DCC: variants seen among roughly 807,000 people sequenced by gnomAD.
DCC encodes the protein netrin receptor DCC.
DCC carries 58 observed loss-of-function variants against 172.5 expected under a neutral mutation model. The ratio of observed to expected loss-of-function variants is 0.34; its 90% CI spans 0.27 to 0.42. The LOEUF (loss-of-function observed/expected upper bound fraction) is 0.42, where lower values mean the gene tolerates loss of function less well. Among genes scored for constraint, DCC ranks in the 10% least tolerant of loss-of-function variants. DCC has a pLI of 1.00. For missense variants in DCC, 1,740 were observed against 1,791.0 expected, an observed-to-expected ratio of 0.97 and a Z score of 0.51; for synonymous variants, 709 against 644.5, an observed-to-expected ratio of 1.10 and a Z score of -1.52.
chr18:53,020,010 C>T (rs2143914348), intron 5 of DCC, among the ~76,000 whole-genome samples: 1 of 152,140 alleles, frequency 6.6e-6, no homozygotes, highest in East Asian at 1.9e-4. Flanking sequence ...TAAAAGTGAT[C>T]AGACTTGGTA....
intron 3 of DCC, 94 bp downstream of exon 3, chr18:52,906,422 A>G (rs1384342962): frequency 1.5e-6 from 2 of 1,305,718 alleles, no homozygotes; most frequent in East Asian, 2.4e-5. Context: ...TAATTGTTAT[A>G]AGTTCTGTAT....
chr18:53,380,021 A>C (rs1477348006), intron 15 of DCC, among the ~76,000 whole-genome samples: 1 of 152,156 alleles, frequency 6.6e-6, no homozygotes. Context: ...TATATTTGCA[A>C]CATTTTAGCA....
chr18:52,841,806 C>T (rs2038812132), intron 2 of DCC, among the ~76,000 whole-genome samples: 1 of 152,126 alleles, frequency 6.6e-6, no homozygotes, highest in Admixed American at 6.6e-5. Flanking sequence ...CCATTCCCCC[C>T]TCCTCCCATC....
intron 5 of DCC, among the ~76,000 whole-genome samples, chr18:53,022,732 T>C (rs1216984342): frequency 3.9e-5 from 6 of 152,076 alleles, no homozygotes; most frequent in African/African-American, 1.4e-4. Flanking sequence ...ATGCAGAGAA[T>C]TGTCAAAAGC....
intron 2 of DCC, among the ~76,000 whole-genome samples, chr18:52,877,706 A>T (rs968338246): frequency 1.1e-4 from 6 of 55,918 alleles, no homozygotes; most frequent in Non-Finnish European, 2.1e-4. Flanking sequence ...AGACAATATA[A>T]AAAAAAAAAT....
intron 5 of DCC, among the ~76,000 whole-genome samples, chr18:52,980,935 C>G (rs1470859315): frequency 7.6e-6 from 1 of 131,392 alleles, no homozygotes; most frequent in Admixed American, 8.1e-5. Context: ...AGAAAACAAA[C>G]ATACTGCTAT....
intron 26 of DCC, among the ~76,000 whole-genome samples, chr18:53,490,418 A>G (rs974540111): frequency 2.0e-5 from 3 of 152,162 alleles, no homozygotes; most frequent in Admixed American, 6.5e-5. Flanking sequence ...TTCCATTTTT[A>G]TAATATTTTC....
At chr18:52,574,088 T>A (rs1401781889) in intron 1 of DCC, among the ~76,000 whole-genome samples, 1 of 152,208 alleles carries the variant, frequency 6.6e-6, no homozygotes, top group African/African-American at 2.4e-5. Context: ...CAATCATTCA[T>A]CCATTTGTTC....
Position 53,497,966 on chromosome 18 carries a change from C to CTGAT in DCC, c.3899-1329_3899-1326dup, listed in dbSNP as rs575746017. Among the ~76,000 whole-genome samples the CTGAT allele has an allele frequency of 7.3e-4, 111 of 152,278 alleles. 1 individual carries two copies. Among genetic ancestry groups the CTGAT allele is most frequent in the African/African-American group, 2.5e-3 (104 of 41,542 alleles). Reference sequence around the variant, plus strand: ...TCAAGTCTCTGCCTGTATTTTGGCTCTGATTGCTATATGGCTACATCCTGT... The same window carrying CTGAT: ...TCAAGTCTCTGCCTGTATTTTGGCTCTGATTGATTGCTATATGGCTACATCCTGT... On this transcript the variant is annotated intron_variant, in intron 26 of 28. Transcript: ENST00000442544.
chr18:53,170,218 G>A (rs1026143524), intron 8 of DCC, among the ~76,000 whole-genome samples: 8 of 152,174 alleles, frequency 5.3e-5, no homozygotes, highest in African/African-American at 1.9e-4. Flanking sequence ...CACCAGTGGG[G>A]ACATCAGATA....
At chr18:52,369,201 T>C (rs1985007071) in intron 1 of DCC, among the ~76,000 whole-genome samples, 1 of 152,220 alleles carries the variant, frequency 6.6e-6, no homozygotes, top group Admixed American at 6.5e-5. Context: ...TAGGTGCTTC[T>C]AGATTCTGTT....
At chr18:53,202,596 A>G (rs557689969) in intron 9 of DCC, among the ~76,000 whole-genome samples, 1 of 152,318 alleles carries the variant, frequency 6.6e-6, no homozygotes, top group East Asian at 1.9e-4. Context: ...GTTGATAACA[A>G]GCATATTTAT....
intron 12 of DCC, among the ~76,000 whole-genome samples, chr18:53,255,927 T>C (rs1028440737): frequency 1.3e-5 from 2 of 152,214 alleles, no homozygotes; most frequent in African/African-American, 4.8e-5. Flanking sequence ...AGATGGTATC[T>C]CATTGTGGTT....
intron 15 of DCC, among the ~76,000 whole-genome samples, chr18:53,341,303 C>T (rs553827405): frequency 2.0e-5 from 3 of 152,250 alleles, no homozygotes; most frequent in African/African-American, 7.2e-5. Context: ...AGGGAAACTG[C>T]ATTGTTGACC....
chr18:53,496,056 G>C (rs1041672885), intron 26 of DCC, among the ~76,000 whole-genome samples: 1 of 152,170 alleles, frequency 6.6e-6, no homozygotes, highest in Non-Finnish European at 1.5e-5. Context: ...GTCCCTGCCT[G>C]ACAGTTCTGA....
intron 7 of DCC, among the ~76,000 whole-genome samples, chr18:53,133,742 A>C (rs1181622652): frequency 6.6e-6 from 1 of 152,196 alleles, no homozygotes; most frequent in East Asian, 1.9e-4. Flanking sequence ...ACTGTGCTGA[A>C]AGGCTTGTTT....
chr18:52,968,950 G>A (rs1158273327), intron 5 of DCC, among the ~76,000 whole-genome samples: 1 of 151,966 alleles, frequency 6.6e-6, no homozygotes, highest in African/African-American at 2.4e-5. Flanking sequence ...CCCTTCGGAT[G>A]AGACTCTGTG....
intron 15 of DCC, among the ~76,000 whole-genome samples, chr18:53,351,341 ATATATATACACAG>A (rs1568074785): frequency 2.5e-4 from 19 of 76,014 alleles, no homozygotes; most frequent in African/African-American, 7.4e-4. Context: ...TACAGTGTAT[ATATATATACACAG>A]TATATATATA....
At position 53,511,270 on chromosome 18, in the gene DCC, C is replaced by T. The variant is rs565272279; in HGVS notation, c.4111+11760C>T. Among the ~76,000 whole-genome samples the T allele has an allele frequency of 1.8e-4, 28 of 152,322 alleles. No individual in the cohort carries two copies. The South Asian group carries it at 5.6e-3, about 30-fold the overall frequency. On this transcript the variant is annotated intron_variant, in intron 27 of 28. Transcript: ENST00000442544. ...ATCAAGGATTGCAGAGAATCACAGC[C>T]TTTTGGAAAATGGTAGGAGTAGGTG...
Sources: allele counts gnomAD v4.1 joint callset (sites outside exome capture counted in the v4.1 genomes callset), GRCh38; gene constraint gnomAD v4.1.1; transcripts MANE v1.5; gene names NCBI Gene and HGNC (gene_info 2026-07-23, HGNC 2026-07-21).